Variants in FARP1 observed in about 807,000 individuals in gnomAD.
The protein encoded by FARP1 is FERM, ARH/RhoGEF and pleckstrin domain protein 1, also known as FERM, ARHGEF and pleckstrin domain-containing protein 1.
Under a neutral mutation model 128.8 loss-of-function variants are expected in FARP1, and 52 were observed. That is an observed-to-expected ratio of 0.40 (90% CI 0.32 to 0.51). The LOEUF (loss-of-function observed/expected upper bound fraction) is 0.51, where lower values mean the gene tolerates loss of function less well. FARP1 is among the 20% of genes least tolerant of loss of function. The pLI is 0.45. For synonymous variants in FARP1, 580 were observed against 551.8 expected, an observed-to-expected ratio of 1.05 and a Z score of -0.72; for missense variants, 1,333 against 1,367.9, an observed-to-expected ratio of 0.97 and a Z score of 0.40.
intron 2 of FARP1, among the ~76,000 whole-genome samples, chr13:98,292,598 G>C (rs573202386): frequency 1.3e-5 from 2 of 152,286 alleles, no homozygotes; most frequent in Admixed American, 6.5e-5. Flanking sequence ...GCCATCTGTG[G>C]CCAGTGGCTA....
At chr13:98,161,362 C>T (rs1452853031) in intron 1 of FARP1, among the ~76,000 whole-genome samples, 4 of 151,512 alleles carry the variant, frequency 2.6e-5, no homozygotes, top group Non-Finnish European at 5.9e-5. Context: ...ATTACAGGCG[C>T]GCACCACCAT....
chr13:98,410,788 C>T lies in FARP1; in HGVS notation c.1657C>T (p.Arg553Ter), dbSNP rs1334282642. The change falls in exon 15 of 27, where the codon CGA (arginine) becomes TGA (stop). Residue 553 changes from arginine (R) to a stop codon, truncating the protein, a stop_gained. Coordinates refer to ENST00000319562, the MANE Select transcript of FARP1 (RefSeq NM_005766.4). LOFTEE classifies it high-confidence loss of function. Reference sequence around the variant, plus strand: ...AGCTAAGGAAGTGTCTACCACCGAGCGAACATATCTGAAGGATCTCGAAGT... The same window carrying T: ...AGCTAAGGAAGTGTCTACCACCGAGTGAACATATCTGAAGGATCTCGAAGT... ...FIAKEVSTTERTYLKDLEVIT... is the reference protein window; with the variant it reads ...FIAKEVSTTE 1.9e-6 allele frequency: 3 copies of T among 1,602,054 alleles called. No homozygotes were observed. The highest frequency in any genetic ancestry group is 1.1e-5 in the South Asian group (1 of 89,858).
intron 5 of FARP1, among the ~76,000 whole-genome samples, chr13:98,373,533 G>GAC (rs58658962): frequency 0.11 from 14,959 of 130,920 alleles, 864 homozygotes; most frequent in Admixed American, 0.17. Context: ...CAGACAGACA[G>GAC]ACACACACAC....
chr13:98,182,084 A>T (rs1342201938), intron 1 of FARP1, among the ~76,000 whole-genome samples: 1 of 152,066 alleles, frequency 6.6e-6, no homozygotes, highest in Non-Finnish European at 1.5e-5. Context: ...AGCTAAAAAA[A>T]AAATAGAACT....
At chr13:98,214,874 A>C (rs1279320579) in intron 2 of FARP1, among the ~76,000 whole-genome samples, 2 of 152,186 alleles carry the variant, frequency 1.3e-5, no homozygotes, top group Non-Finnish European at 2.9e-5. Flanking sequence ...CGTGGTCCGT[A>C]TGTGCGCCAC....
intron 1 of FARP1, among the ~76,000 whole-genome samples, chr13:98,200,396 C>A (rs868252825): frequency 4.1e-5 from 6 of 147,156 alleles, no homozygotes; most frequent in Non-Finnish European, 7.5e-5. Flanking sequence ...CACCCCCCCC[C>A]CCTCCCCTTT....
At chr13:98,436,478 G>C (rs1210855843) in intron 19 of FARP1, among the ~76,000 whole-genome samples, 2 of 152,226 alleles carry the variant, frequency 1.3e-5, no homozygotes, top group Non-Finnish European at 2.9e-5. Flanking sequence ...ACGTCACCCA[G>C]GTCGAGAGAC....
intron 2 of FARP1, among the ~76,000 whole-genome samples, chr13:98,268,011 T>C (rs1413418873): frequency 6.6e-6 from 1 of 152,214 alleles, no homozygotes. Flanking sequence ...AAGGGCTCAG[T>C]TGGGCAGCAT....
At chr13:98,292,610 T>G (rs1370365842) in intron 2 of FARP1, among the ~76,000 whole-genome samples, 1 of 152,226 alleles carries the variant, frequency 6.6e-6, no homozygotes, top group Non-Finnish European at 1.5e-5. Context: ...CAGTGGCTAC[T>G]GAATTAGCAC....
chr13:98,365,519 C>A, intron 4 of FARP1, 82 bp downstream of exon 4: 1 of 978,752 alleles, frequency 1.0e-6, no homozygotes, highest in Non-Finnish European at 1.6e-6. Flanking sequence ...TGCCCTGTGG[C>A]ATGAAGCACT....
chr13:98,285,126 A>G (rs1885104058), intron 2 of FARP1, among the ~76,000 whole-genome samples: 1 of 152,184 alleles, frequency 6.6e-6, no homozygotes, highest in Admixed American at 6.5e-5. Flanking sequence ...AATGCATTCC[A>G]TTCAATCAAG....
intron 5 of FARP1, among the ~76,000 whole-genome samples, chr13:98,372,986 C>A (rs1889413883): frequency 6.6e-6 from 1 of 152,226 alleles, no homozygotes; most frequent in South Asian, 2.1e-4. Flanking sequence ...TCGCGGCCAG[C>A]ATGCTCAGCT....
intron 2 of FARP1, among the ~76,000 whole-genome samples, chr13:98,267,469 G>A (rs754686951): frequency 2.0e-5 from 3 of 152,170 alleles, no homozygotes; most frequent in Non-Finnish European, 4.4e-5. Context: ...CTGTGGTTGG[G>A]GGTTGCAGAC....
At chr13:98,210,601 G>C (rs577376299) in intron 1 of FARP1, among the ~76,000 whole-genome samples, 3 of 150,852 alleles carry the variant, frequency 2.0e-5, no homozygotes, top group Admixed American at 1.3e-4. Flanking sequence ...CCAGGCTGGA[G>C]TGCGGTGGCG....
intron 1 of FARP1, among the ~76,000 whole-genome samples, chr13:98,188,422 G>A (rs1363087591): frequency 3.3e-5 from 5 of 152,060 alleles, no homozygotes; most frequent in Non-Finnish European, 5.9e-5. Context: ...AAAGCTGGGC[G>A]TGGTGGTGTG....
At chr13:98,352,311 AG>A in intron 3 of FARP1, among the ~76,000 whole-genome samples, 1 of 152,326 alleles carries the variant, frequency 6.6e-6, no homozygotes, top group Middle Eastern at 3.4e-3. Context: ...TGGAAATCAC[AG>A]GGAAATGGTT....
intron 2 of FARP1, among the ~76,000 whole-genome samples, chr13:98,336,883 A>C (rs540103911): frequency 1.3e-5 from 2 of 152,242 alleles, no homozygotes. Context: ...ATTTCATTAC[A>C]TAGTTTCACG....
intron 3 of FARP1, chr13:98,345,533 AT>A (rs1384050140): frequency 6.6e-6 from 1 of 152,212 alleles, no homozygotes; most frequent in Non-Finnish European, 1.5e-5. Context: ...CTTGACTTTT[AT>A]GATTTCACTC....
chr13:98,231,811 T>G (rs561657442), intron 2 of FARP1, among the ~76,000 whole-genome samples: 1 of 152,274 alleles, frequency 6.6e-6, no homozygotes, highest in African/African-American at 2.4e-5. Context: ...TCTTTAAAAT[T>G]TGCCCTTTTG....
Sources: gnomAD v4.1 joint callset for allele counts (sites outside exome capture counted in the v4.1 genomes callset) on GRCh38, gnomAD v4.1.1 for gene constraint, MANE v1.5 for transcripts, NCBI Gene and HGNC (gene_info 2026-07-23, HGNC 2026-07-21) for gene names.